Variants in SLC40A1 observed in about 807,000 individuals in gnomAD.
SLC40A1 encodes the protein solute carrier family 40 member 1.
In SLC40A1, 16 loss-of-function variants were observed where a neutral mutation model predicts 53.5. The ratio of observed to expected loss-of-function variants is 0.30; its 90% confidence interval spans 0.20 to 0.45. The LOEUF is 0.45. SLC40A1 is among the 20% of genes least tolerant of loss of function. SLC40A1 has a pLI of 1.00. For missense variants in SLC40A1, 545 were observed against 695.4 expected (o/e 0.78, Z 2.43); for synonymous variants, 247 against 253.2 (o/e 0.98, Z 0.23).
intron 6 of SLC40A1, among the ~76,000 whole-genome samples, chr2:189,564,662 A>G (rs908999757): frequency 2.6e-5 from 4 of 152,158 alleles, no homozygotes; most frequent in African/African-American, 9.7e-5. Context: ...AACATGGTGA[A>G]ACCCCGTCTC....
chr2:189,563,885 A>G lies in SLC40A1; in HGVS notation c.1101T>C (p.Cys367=). Residue 367 remains cysteine, a synonymous_variant, in exon 7 of 8, where the codon TGT becomes TGC. Transcript: ENST00000261024. The part of the protein sequence containing the change: ...TVAFTWLRRK[C]GLVRTGLISG... The stretch of plus-strand genomic sequence containing the variant: ...AGATCAGACCTGTCCGAACCAAACC[A>G]CATTTTCGACGTAGCCAAGTAAAAG... 1 of 1,614,170 alleles carries G rather than the reference A, an allele frequency of 6.2e-7. No homozygotes were observed. The highest frequency in any genetic ancestry group is 8.5e-7 in the Non-Finnish European group (1 of 1,180,034).
In SLC40A1 at chr2:189,568,639, C is replaced by T. The variant is rs567357210; in HGVS notation, c.515-3040G>A. 4.6e-5 allele frequency among the ~76,000 whole-genome samples: 7 copies of T among 152,356 alleles called. No individual in the cohort carries two copies. The East Asian group carries it at 7.7e-4, about 17-fold the overall frequency. On this transcript the variant is annotated intron_variant, in intron 5 of 7. Transcript: ENST00000261024. ...GATTTGATTCCAATTTAACTGTTCTCAGCTACAGCTGTGGCACAGAACATG... is the reference window on the plus strand; with the variant it reads ...GATTTGATTCCAATTTAACTGTTCTTAGCTACAGCTGTGGCACAGAACATG...
chr2:189,565,558 T>C lies in SLC40A1; in HGVS notation c.556A>G (p.Ile186Val), dbSNP rs1469410127. ...TGGCCAACAGCCATGGGGGCTAAGA[T>C]GTTGGTTAACTGGTCAATCCTTCGT... ...TIRRIDQLTN[I>V]LAPMAVGQIM... is the part of the protein sequence containing the mutation. The change falls in exon 6 of 8, where the codon ATC becomes GTC. Residue 186 changes from isoleucine (I) to valine (V), a missense_variant. Coordinates refer to ENST00000261024, the MANE Select transcript of SLC40A1 (RefSeq NM_014585.6). The C allele has an allele frequency of 1.9e-6, 3 of 1,614,246 alleles. No individual in the cohort carries two copies. The South Asian group carries it at 3.3e-5, about 18-fold the overall frequency.
At position 189,580,631 on chromosome 2, in the gene SLC40A1, G is replaced by T; in HGVS notation, c.-171C>A. 1 of 1,529,806 alleles carries T rather than the reference G, an allele frequency of 6.5e-7. No individual in the cohort carries two copies. The highest frequency in any genetic ancestry group is 2.4e-5 in the East Asian group (1 of 40,920). 94.8% of individuals were successfully genotyped at this position (1,529,806 alleles called of 1,614,324 possible). A position where few individuals can be genotyped will look rare whatever the true frequency, so the allele number is the denominator to read the frequency against. The stretch of plus-strand genomic sequence containing the variant: ...TTTGGCAAAGAACAAAAGAAAAGGG[G>T]CCCAGGGATTTTCTTTTTTCCTTCT... On this transcript the variant is annotated 5_prime_UTR_variant, in exon 1 of 8. Transcript: ENST00000261024.
intron 2 of SLC40A1, among the ~76,000 whole-genome samples, chr2:189,577,393 C>T (rs2031321095): frequency 6.6e-6 from 1 of 152,114 alleles, no homozygotes; most frequent in Non-Finnish European, 1.5e-5. Flanking sequence ...GAGCTGGTGG[C>T]AACAAAGGCC....
rs147719172 is a variant in SLC40A1 at position 189,565,649 on chromosome 2, G to A, written c.515-50C>T. 176 of 1,611,632 alleles carry A rather than the reference G, an allele frequency of 1.1e-4. No individual in the cohort carries two copies. In the African/African-American group the frequency reaches 1.8e-3, roughly 16 times the overall value. On this transcript the variant is annotated intron_variant, in intron 5 of 7. Transcript: ENST00000261024. ...GGTAAGTGTGCAAACCCATCAAAGA[G>A]AGACTGCCCATTTACACAATACAAA...
In SLC40A1 at chr2:189,564,926, C is replaced by T. The variant is rs1425679953; in HGVS notation, c.760+428G>A. 2.0e-5 allele frequency among the ~76,000 whole-genome samples: 3 copies of T among 152,188 alleles called. No individual in the cohort carries two copies. In the East Asian group the frequency reaches 5.8e-4, roughly 29 times the overall value. ...TCTGTTTACCCAGAAGCCCAGCGTC[C>T]TCTTCTCCAGTGAAATACCCATCTT... On this transcript the variant is annotated intron_variant, in intron 6 of 7. Coordinates refer to ENST00000261024, the MANE Select transcript of SLC40A1 (RefSeq NM_014585.6).
intron 1 of SLC40A1, 70 bp from the exon 2 acceptor site, chr2:189,579,950 T>A (rs1356532185): frequency 7.1e-7 from 1 of 1,411,130 alleles, no homozygotes; most frequent in Non-Finnish European, 1.0e-6. Flanking sequence ...AGAATGCTTA[T>A]CCATTTGATC....
In SLC40A1 at chr2:189,580,763, G is replaced by C. The variant is rs977778304; in HGVS notation, c.-303C>G. 8 of 1,292,488 alleles carry C rather than the reference G, an allele frequency of 6.2e-6. No individual in the cohort carries two copies. The African/African-American group carries it at 8.0e-5, about 13-fold the overall frequency. The allele number at this position is 1,292,488 out of a possible 1,614,324, so 80.1% of individuals were successfully genotyped here. ...CGAGCCTAGCGGACGCCCTGAGCCA[G>C]CTCTCTCCGCCGCCGCCGCCGCCGC... On this transcript the variant is annotated 5_prime_UTR_variant, in exon 1 of 8. Coordinates refer to ENST00000261024, the MANE Select transcript of SLC40A1 (RefSeq NM_014585.6).
At position 189,580,774 on chromosome 2, in the gene SLC40A1, C is replaced by CGCCGCT; in HGVS notation, c.-315_-314insAGCGGC. On this transcript the variant is annotated 5_prime_UTR_variant, in exon 1 of 8. Coordinates refer to ENST00000261024, the MANE Select transcript of SLC40A1 (RefSeq NM_014585.6). ...GACGCCCTGAGCCAGCTCTCTCCGC[C>CGCCGCT]GCCGCCGCCGCCGCCGTGGGCCGGG... 1 of 1,265,282 alleles carries CGCCGCT rather than the reference C, an allele frequency of 7.9e-7. No individual in the cohort carries two copies. Among genetic ancestry groups the CGCCGCT allele is most frequent in the East Asian group, 4.2e-5 (1 of 24,054 alleles). The allele number at this position is 1,265,282 out of a possible 1,614,324, so 78.4% of individuals were successfully genotyped here.
In SLC40A1 at chr2:189,563,562, T is replaced by C. The variant is rs769218578; in HGVS notation, c.1402+22A>G. 20 of 1,605,308 alleles carry C rather than the reference T, an allele frequency of 1.2e-5. No homozygotes were observed. In the Admixed American group the frequency reaches 1.9e-4, roughly 15 times the overall value. ...ACAAAAAGACACTTTAGTTCATTAA[T>C]ATATAAAAAGAGATTTCTTACCGAT... On this transcript the variant is annotated intron_variant, in intron 7 of 7. Transcript: ENST00000261024.
At chr2:189,575,400 A>T in intron 2 of SLC40A1, 80 bp from the exon 3 acceptor site, 1 of 1,383,254 alleles carries the variant, frequency 7.2e-7, no homozygotes, top group Non-Finnish European at 1.0e-6. Flanking sequence ...CTTCCTTATC[A>T]AAAGGGCACT....
chr2:189,562,571 G>A (rs964836240), intron 7 of SLC40A1, among the ~76,000 whole-genome samples: 2 of 152,152 alleles, frequency 1.3e-5, no homozygotes, highest in South Asian at 4.1e-4. Context: ...TGGTTAAAGT[G>A]TAAGGAAACT....
At chr2:189,579,109 C>T (rs1463577526) in intron 2 of SLC40A1, among the ~76,000 whole-genome samples, 1 of 152,046 alleles carries the variant, frequency 6.6e-6, no homozygotes, top group East Asian at 1.9e-4. Flanking sequence ...TATTATTTTT[C>T]GGAGAGAGTT....
rs781605467 is a variant in SLC40A1 at position 189,565,484 on chromosome 2, T to C, written c.630A>G (p.Gly210=). The C allele has an allele frequency of 1.1e-5, 18 of 1,614,220 alleles. No homozygotes were observed. The highest frequency in any genetic ancestry group is 1.4e-5 in the Non-Finnish European group (17 of 1,180,038). Residue 210 remains glycine, a synonymous_variant, in exon 6 of 8, where the codon GGA becomes GGG. Transcript: ENST00000261024. ...CCACGCACATGGATACCAAGTTCCA[T>C]CCCGAAATAAAGCCACAGCCGATGA... ...SPVIGCGFIS[G]WNLVSMCVEY...
chr2:189,568,070 A>G (rs2030992157), intron 5 of SLC40A1, among the ~76,000 whole-genome samples: 1 of 152,266 alleles, frequency 6.6e-6, no homozygotes, highest in Non-Finnish European at 1.5e-5. Flanking sequence ...GAGCTTCCCA[A>G]TGTCACCAAT....
chr2:189,564,193 G>C lies in SLC40A1; in HGVS notation c.793C>G (p.Leu265Val). Reference protein sequence around the residue: ...TEPKPLEGTHLMGVKDSNIHE... With the variant: ...TEPKPLEGTHVMGVKDSNIHE... The stretch of plus-strand genomic sequence containing the variant: ...ATGTTAGAGTCTTTCACACCCATTA[G>C]ATGAGTTCCCTCCAGGGGTTTTGGC... The change falls in exon 7 of 8, where the codon CTA becomes GTA. Residue 265 changes from leucine to valine, a missense_variant. By Grantham distance (32) the Leu-to-Val change is conservative (BLOSUM62 1). This residue lies in a region of SLC40A1 where 107 missense variants were observed against 91.0 expected (regional missense o/e 1.18). Transcript: ENST00000261024. 6.2e-7 allele frequency: 1 copy of C among 1,614,098 alleles called. No homozygotes were observed. The highest frequency in any genetic ancestry group is 8.5e-7 in the Non-Finnish European group (1 of 1,179,956).
chr2:189,567,519 T>C (rs2030975286), intron 5 of SLC40A1, among the ~76,000 whole-genome samples: 2 of 152,102 alleles, frequency 1.3e-5, no homozygotes, highest in South Asian at 4.1e-4. Flanking sequence ...AAACCAAAAG[T>C]TTTAGGACAA....
rs541741727 is a variant in SLC40A1, at chr2:189,565,670, A to G, written c.515-71T>C. ...AAGAGAGACTGCCCATTTACACAAT[A>G]CAAAGCTGTAAACCAAGAGTATAGA... On this transcript the variant is annotated intron_variant, in intron 5 of 7. Transcript: ENST00000261024. 8 of 1,590,572 alleles carry G rather than the reference A, an allele frequency of 5.0e-6. No individual in the cohort carries two copies. In the African/African-American group the frequency reaches 6.7e-5, roughly 13 times the overall value.
Sources: allele counts gnomAD v4.1 joint callset (sites outside exome capture counted in the v4.1 genomes callset), GRCh38; gene constraint gnomAD v4.1.1; regional missense constraint gnomAD v4.1.1; transcripts MANE v1.5; gene names NCBI Gene and HGNC (gene_info 2026-07-23, HGNC 2026-07-21).